Variants in PRELID2 observed in about 807,000 individuals in gnomAD.
PRELID2 encodes PRELI domain-containing protein 2.
In PRELID2, 25 loss-of-function variants were observed where a neutral mutation model predicts 28.4. The observed-to-expected ratio is 0.88, with a 90% CI of 0.64 to 1.23. PRELID2 has a LOEUF of 1.23. Ranked by LOEUF, PRELID2 falls within the 50% of genes most tolerant of loss-of-function variation. The probability of loss-of-function intolerance (pLI) is 0.00; values close to 1 mark genes in which losing one functional copy is unlikely to be tolerated. For missense variants in PRELID2, 201 were observed against 214.4 expected (o/e 0.94, Z 0.39); for synonymous variants, 76 against 71.6 (o/e 1.06, Z -0.31).
At chr5:145,286,676 A>T in the PRELID2 span, among the ~76,000 whole-genome samples, 1 of 149,936 alleles carries the variant, frequency 6.7e-6, no homozygotes, top group African/African-American at 2.5e-5. Flanking sequence ...GGAAAATGAG[A>T]TTTGACTGCC....
At chr5:145,596,229 T>C (rs1158034906) in intron 1 of PRELID2, among the ~76,000 whole-genome samples, 1 of 152,020 alleles carries the variant, frequency 6.6e-6, no homozygotes, top group Non-Finnish European at 1.5e-5. Context: ...AGATTTAAAT[T>C]ACTTAATGAC....
chr5:145,267,819 T>C, the PRELID2 span, among the ~76,000 whole-genome samples: 1 of 152,176 alleles, frequency 6.6e-6, no homozygotes, highest in African/African-American at 2.4e-5. Context: ...ACCACATTTG[T>C]TATTACTTGT....
rs965224777 is a variant in PRELID2 at position 145,640,202 on chromosome 5, G to T, written n.70+124729C>A. ...CTGAAAAAATACAAAAAAATTGGCC[G>T]GCGGCCGGGCGCGGTGGCTCACGCC... On this transcript the variant is annotated intron_variant and non_coding_transcript_variant, in intron 1 of 2. Transcript: ENST00000510259. 6.7e-4 allele frequency among the ~76,000 whole-genome samples: 102 copies of T among 152,228 alleles called. 1 individual carries two copies. Among genetic ancestry groups the T allele is most frequent in the African/African-American group, 2.4e-3 (99 of 41,530 alleles).
the PRELID2 span, chr5:145,229,706 C>G: frequency 1.3e-6 from 1 of 757,904 alleles, no homozygotes. Flanking sequence ...ATTTAGACAT[C>G]AAGGTCTTCA....
At chr5:145,529,543 T>C (rs1323801311) in intron 1 of PRELID2, among the ~76,000 whole-genome samples, 1 of 152,188 alleles carries the variant, frequency 6.6e-6, no homozygotes, top group Admixed American at 6.5e-5. Flanking sequence ...TTAACAATAC[T>C]GTCACTTGTC....
chr5:145,515,895 GA>G (rs1185680325), intron 1 of PRELID2, among the ~76,000 whole-genome samples: 1 of 152,112 alleles, frequency 6.6e-6, no homozygotes, highest in Non-Finnish European at 1.5e-5. Context: ...AAAACCACAT[GA>G]TTATCTCAAT....
At chr5:145,363,217 T>A in the PRELID2 span, among the ~76,000 whole-genome samples, 1 of 151,938 alleles carries the variant, frequency 6.6e-6, no homozygotes, top group Non-Finnish European at 1.5e-5. Flanking sequence ...CGAACATTGA[T>A]AGCCAGTTAT....
At chr5:145,570,515 T>C (rs1753006844) in intron 1 of PRELID2, among the ~76,000 whole-genome samples, 1 of 152,236 alleles carries the variant, frequency 6.6e-6, no homozygotes, top group African/African-American at 2.4e-5. Context: ...GTAAAGGCTG[T>C]GGTGCTGATG....
chr5:145,444,371 T>C, the PRELID2 span, among the ~76,000 whole-genome samples: 1 of 152,022 alleles, frequency 6.6e-6, no homozygotes, highest in African/African-American at 2.4e-5. Context: ...GAATTCCCCA[T>C]GGCCAAGGGT....
At chr5:145,763,327 C>A (rs952071621) in intron 6 of PRELID2, among the ~76,000 whole-genome samples, 1 of 152,146 alleles carries the variant, frequency 6.6e-6, no homozygotes, top group Non-Finnish European at 1.5e-5. Flanking sequence ...TTTTAAGGAA[C>A]AGGGTGGGTG....
chr5:145,563,179 G>A (rs551400008), intron 1 of PRELID2, among the ~76,000 whole-genome samples: 1 of 152,326 alleles, frequency 6.6e-6, no homozygotes, highest in African/African-American at 2.4e-5. Flanking sequence ...TGCAATTCTG[G>A]AACTTTTGAT....
At chr5:145,732,161 TCCA>T (rs1356274607) in intron 1 of PRELID2, among the ~76,000 whole-genome samples, 1 of 152,184 alleles carries the variant, frequency 6.6e-6, no homozygotes, top group Non-Finnish European at 1.5e-5. Context: ...ACTGTAGAAT[TCCA>T]CCAGAGAGCA....
In PRELID2 at chr5:145,758,524, C is replaced by G. The variant is rs760163243; in HGVS notation, c.*2012G>C. ...AGGCATCAGAATTGCAGAAAGCTCCCCAAGCAATCCTAACAGACAGCCAAG... is the reference window on the plus strand; with the variant it reads ...AGGCATCAGAATTGCAGAAAGCTCCGCAAGCAATCCTAACAGACAGCCAAG... On this transcript the variant is annotated 3_prime_UTR_variant, in exon 7 of 7. Transcript: ENST00000683046. Among the ~76,000 whole-genome samples, 35 of 152,132 alleles carry G rather than the reference C, an allele frequency of 2.3e-4. No homozygotes were observed. Among genetic ancestry groups the G allele is most frequent in the Admixed American group, 3.9e-4 (6 of 15,290 alleles).
chr5:145,731,007 T>C (rs1756329258), intron 1 of PRELID2, among the ~76,000 whole-genome samples: 1 of 152,134 alleles, frequency 6.6e-6, no homozygotes, highest in African/African-American at 2.4e-5. Flanking sequence ...TAATACATAC[T>C]CTTAATCTGT....
At chr5:145,831,300 A>G (rs1170773709) in intron 1 of PRELID2, among the ~76,000 whole-genome samples, 2 of 152,222 alleles carry the variant, frequency 1.3e-5, no homozygotes, top group Admixed American at 6.5e-5. Flanking sequence ...GCCTGTGGGC[A>G]CAGGACTGCA....
At chr5:145,682,093 T>A (rs1754947837) in intron 1 of PRELID2, among the ~76,000 whole-genome samples, 1 of 151,720 alleles carries the variant, frequency 6.6e-6, no homozygotes, top group Non-Finnish European at 1.5e-5. Context: ...TTGAATAAAA[T>A]TATGCAGGAG....
chr5:145,717,057 T>C (rs960833114), intron 1 of PRELID2, among the ~76,000 whole-genome samples: 1 of 152,170 alleles, frequency 6.6e-6, no homozygotes, highest in Non-Finnish European at 1.5e-5. Context: ...CGTGAAACTA[T>C]ATAAGAAGAT....
intron 1 of PRELID2, among the ~76,000 whole-genome samples, chr5:145,735,408 A>G (rs2149730528): frequency 6.6e-6 from 1 of 152,292 alleles, no homozygotes; most frequent in East Asian, 1.9e-4. Context: ...CAGAAACACA[A>G]GTGAGTCATA....
chr5:145,327,272 A>C, the PRELID2 span, among the ~76,000 whole-genome samples: 2 of 152,010 alleles, frequency 1.3e-5, no homozygotes, highest in Admixed American at 1.3e-4. Flanking sequence ...AATTATGTGA[A>C]TATTTGCTTT....
Sources: gnomAD v4.1 joint callset for allele counts (sites outside exome capture counted in the v4.1 genomes callset) on GRCh38, gnomAD v4.1.1 for gene constraint, MANE v1.5 for transcripts, NCBI Gene and HGNC (gene_info 2026-07-23, HGNC 2026-07-21) for gene names.